CALB2: variants seen among roughly 807,000 people sequenced by gnomAD.
CALB2 encodes the protein calretinin.
CALB2 carries 34 observed loss-of-function variants against 45.9 expected under a neutral mutation model. That is an observed-to-expected ratio of 0.74 (90% CI 0.56 to 0.99). CALB2 has a LOEUF of 0.99. Among genes scored for constraint, CALB2 ranks in the 50% least tolerant of loss-of-function variants. The pLI is 0.00. For synonymous variants in CALB2, 142 were observed against 129.6 expected, an observed-to-expected ratio of 1.10 and a Z score of -0.65; for missense variants, 344 against 339.3, an observed-to-expected ratio of 1.01 and a Z score of -0.11.
At chr16:71,389,509 C>T (rs772587892) in intron 10 of CALB2, 2 of 677,304 alleles carry the variant, frequency 3.0e-6, no homozygotes, top group East Asian at 5.9e-5. Flanking sequence ...ACAGGTGAGG[C>T]AGCTGAGTCT....
chr16:71,389,192 T>TA (rs940263573), intron 10 of CALB2, among the ~76,000 whole-genome samples: 16 of 151,124 alleles, frequency 1.1e-4, no homozygotes, highest in East Asian at 1.9e-4. Flanking sequence ...CGCCTCAAAA[T>TA]AAAAAAAATA....
intron 10 of CALB2, among the ~76,000 whole-genome samples, chr16:71,386,866 A>G (rs982285618): frequency 2.0e-5 from 3 of 152,116 alleles, no homozygotes; most frequent in Non-Finnish European, 4.4e-5. Flanking sequence ...CATTTATTTC[A>G]TCTTTTTTAT....
intron 1 of CALB2, among the ~76,000 whole-genome samples, chr16:71,363,185 T>TA (rs990252038): frequency 2.0e-5 from 3 of 152,066 alleles, no homozygotes; most frequent in Non-Finnish European, 2.9e-5. Context: ...ACCCTATCTT[T>TA]AAAAAAATAA....
chr16:71,381,763 C>T (rs1290037798), intron 4 of CALB2, among the ~76,000 whole-genome samples: 1 of 151,962 alleles, frequency 6.6e-6, no homozygotes, highest in Non-Finnish European at 1.5e-5. Context: ...CCTGTAATCC[C>T]AGCACTATGG....
chr16:71,358,739 C>T lies in CALB2; in HGVS notation c.-54C>T. ...CACAACCCCAGCGCGAGTGCCAGAG[C>T]CCAGCCGGCGCGGAGCGGGAGCGGT... On this transcript the variant is annotated 5_prime_UTR_variant, in exon 1 of 11. Transcript: ENST00000302628. 2.8e-6 allele frequency: 4 copies of T among 1,432,252 alleles called. No homozygotes were observed. Among genetic ancestry groups the T allele is most frequent in the South Asian group, 1.2e-5 (1 of 81,344 alleles). 88.7% of individuals were successfully genotyped at this position (1,432,252 alleles called of 1,614,324 possible). A position where few individuals can be genotyped will look rare whatever the true frequency, so the allele number is the denominator to read the frequency against.
chr16:71,386,208 G>T (rs745621960), intron 10 of CALB2, among the ~76,000 whole-genome samples: 1 of 152,176 alleles, frequency 6.6e-6, no homozygotes, highest in Admixed American at 6.5e-5. Context: ...ATGCTGCATC[G>T]TATAAATATA....
chr16:71,380,287 CTTTTCTTTTTTT>C (rs2042473612), intron 4 of CALB2, among the ~76,000 whole-genome samples: 15 of 87,112 alleles, frequency 1.7e-4, no homozygotes, highest in African/African-American at 2.5e-4. Context: ...TCTTTCCTTC[CTTTTCTTTTTTT>C]TTTTTTTTTT....
intron 10 of CALB2, among the ~76,000 whole-genome samples, chr16:71,389,093 C>A (rs1266313660): frequency 6.6e-6 from 1 of 151,320 alleles, no homozygotes; most frequent in Non-Finnish European, 1.5e-5. Flanking sequence ...GAGGCTGAGG[C>A]AGGAGAATCG....
intron 10 of CALB2, 131 bp from the exon 11 acceptor site, chr16:71,389,617 TC>T (rs2042612803): frequency 1.3e-6 from 1 of 773,332 alleles, no homozygotes; most frequent in Admixed American, 1.7e-5. Context: ...TGCTTTGCAT[TC>T]ATCTAAGCCA....
chr16:71,366,022 CTCTTTTT>C (rs1161784011), intron 1 of CALB2, among the ~76,000 whole-genome samples: 4 of 50,552 alleles, frequency 7.9e-5, no homozygotes, highest in Non-Finnish European at 1.0e-4. Context: ...CCCTCTCTCT[CTCTTTTT>C]TTTTTTTTTT....
At position 71,383,996 on chromosome 16, in the gene CALB2, T is replaced by G; in HGVS notation, c.504T>G (p.Asp168Glu). Reference sequence around the variant, plus strand: ...TACGGATGTTTGACTTGAACGGGGATGGCAAATTGGGCCTCTCAGAGATGT... The same window carrying G: ...TACGGATGTTTGACTTGAACGGGGAGGGCAAATTGGGCCTCTCAGAGATGT... ...TILRMFDLNG[D>E]GKLGLSEMSR... Residue 168 changes from aspartate (D) to glutamate (E), a missense_variant, in exon 7 of 11, where the codon GAT becomes GAG. Asp to Glu is a conservative substitution (Grantham distance 45, BLOSUM62 2). Coordinates refer to ENST00000302628, the MANE Select transcript of CALB2 (RefSeq NM_001740.5). The G allele has an allele frequency of 6.2e-7, 1 of 1,613,886 alleles. No homozygotes were observed. Among genetic ancestry groups the G allele is most frequent in the South Asian group, 1.1e-5 (1 of 91,076 alleles).
intron 1 of CALB2, 84 bp downstream of exon 1, chr16:71,358,970 C>G: frequency 8.2e-7 from 1 of 1,222,130 alleles, no homozygotes; most frequent in East Asian, 2.5e-5. Context: ...TGAATGCGGG[C>G]AGGTGTACGT....
chr16:71,372,282 G>C (rs559550061), intron 2 of CALB2, 53 bp downstream of exon 2: 33 of 1,319,488 alleles, frequency 2.5e-5, no homozygotes, highest in Non-Finnish European at 3.2e-5. Flanking sequence ...CTATGCCTTT[G>C]AGCATGCTGT....
At chr16:71,387,481 CCA>C (rs1173381454) in intron 10 of CALB2, among the ~76,000 whole-genome samples, 1 of 151,566 alleles carries the variant, frequency 6.6e-6, no homozygotes, top group Non-Finnish European at 1.5e-5. Flanking sequence ...TTTTGTAAAC[CCA>C]CATAGATGCA....
At chr16:71,388,649 G>C (rs1259166617) in intron 10 of CALB2, among the ~76,000 whole-genome samples, 1 of 152,086 alleles carries the variant, frequency 6.6e-6, no homozygotes, top group Non-Finnish European at 1.5e-5. Context: ...GTAGGCTGGC[G>C]AGCTTTATTG....
chr16:71,382,889 T>C (rs1202641034), intron 5 of CALB2, 114 bp downstream of exon 5: 5 of 886,578 alleles, frequency 5.6e-6, no homozygotes. Context: ...TTAGGAATAC[T>C]CAGACCTGGC....
chr16:71,370,682 A>T (rs1041341320), intron 1 of CALB2, among the ~76,000 whole-genome samples: 5 of 152,240 alleles, frequency 3.3e-5, no homozygotes, highest in Middle Eastern at 3.4e-3. Flanking sequence ...GATCACACTT[A>T]TGAATAGTGC....
At chr16:71,382,139 A>AGAGGGAAGGAAGGAAAAG (rs2042503606) in intron 4 of CALB2, among the ~76,000 whole-genome samples, 1 of 64,698 alleles carries the variant, frequency 1.5e-5, no homozygotes, top group African/African-American at 1.0e-4. Flanking sequence ...AAGGAAGGAA[A>AGAGGGAAGGAAGGAAAAG]GAAGGAAGGA....
chr16:71,372,309 C>A, intron 2 of CALB2, 80 bp downstream of exon 2: 1 of 972,184 alleles, frequency 1.0e-6, no homozygotes, highest in Admixed American at 2.2e-5. Context: ...GTTATGTATG[C>A]CATAAGCAGG....
Sources: gnomAD v4.1 joint callset for allele counts (sites outside exome capture counted in the v4.1 genomes callset) on GRCh38, gnomAD v4.1.1 for gene constraint, MANE v1.5 for transcripts, NCBI Gene and HGNC (gene_info 2026-07-23, HGNC 2026-07-21) for gene names.